PRP4K: variants seen among roughly 807,000 people sequenced by gnomAD.
PRP4K encodes the protein serine/threonine-protein kinase PRP4 homolog.
At chr6:4,043,818 T>C in the PRP4K span, 3 of 1,613,950 alleles carry the variant, frequency 1.9e-6, no homozygotes, top group Admixed American at 3.3e-5. Context: ...TACAGAAATA[T>C]AAATACCTTG....
the PRP4K span, chr6:4,037,616 T>C: frequency 3.2e-6 from 5 of 1,569,892 alleles, no homozygotes; most frequent in Non-Finnish European, 4.3e-6. Flanking sequence ...TGAATGTTTT[T>C]GAACCACCAG....
At chr6:4,056,712 T>G in the PRP4K span, 1 of 1,533,118 alleles carries the variant, frequency 6.5e-7, no homozygotes, top group Non-Finnish European at 8.8e-7. Flanking sequence ...ATTTATGGAT[T>G]GTATGGGACC....
At chr6:4,055,412 AGCTTAAC>A in the PRP4K span, among the ~76,000 whole-genome samples, 1 of 152,220 alleles carries the variant, frequency 6.6e-6, no homozygotes, top group Non-Finnish European at 1.5e-5. Flanking sequence ...TCCTATTAAT[AGCTTAAC>A]TCTGGATATC....
chr6:4,032,479 A>C, the PRP4K span: 4 of 1,614,044 alleles, frequency 2.5e-6, no homozygotes, highest in Admixed American at 5.0e-5. Flanking sequence ...GAAACTGATA[A>C]AGAAAAGAAG....
At chr6:4,047,382 A>T in the PRP4K span, 4 of 783,224 alleles carry the variant, frequency 5.1e-6, no homozygotes, top group Non-Finnish European at 7.9e-6. Flanking sequence ...GAATCTGAAA[A>T]CTCTACTAGT....
At chr6:4,048,662 A>G in the PRP4K span, among the ~76,000 whole-genome samples, 7,818 of 152,016 alleles carry the variant, frequency 0.051, 668 homozygotes, top group African/African-American at 0.18. Flanking sequence ...TGAATTCCTG[A>G]GCTCAAGCGA....
the PRP4K span, chr6:4,047,218 A>G: frequency 6.2e-7 from 1 of 1,612,732 alleles, no homozygotes; most frequent in African/African-American, 1.3e-5. Context: ...TGTTTACAGA[A>G]TCTGATGATA....
At chr6:4,058,279 A>G in the PRP4K span, among the ~76,000 whole-genome samples, 5 of 152,196 alleles carry the variant, frequency 3.3e-5, no homozygotes, top group Admixed American at 3.3e-4. Context: ...TTTTTAGAAT[A>G]AGTTACATAA....
chr6:4,060,797 C>A, the PRP4K span: 1 of 657,666 alleles, frequency 1.5e-6, no homozygotes, highest in Non-Finnish European at 2.6e-6. This position sits in a 1 kb window ranked among gnomAD's most constrained non-coding sequence, Gnocchi z 4.7. Flanking sequence ...TGTTTTGTGT[C>A]TTACGTGAAA....
the PRP4K span, among the ~76,000 whole-genome samples, chr6:4,028,843 C>A: frequency 6.6e-6 from 1 of 152,014 alleles, no homozygotes; most frequent in Admixed American, 6.6e-5. Context: ...CTCTCTCCCC[C>A]ACCCCTTCTC....
chr6:4,046,660 CTT>C, the PRP4K span, among the ~76,000 whole-genome samples: 33 of 141,758 alleles, frequency 2.3e-4, no homozygotes, highest in South Asian at 2.3e-4. Context: ...GGTCTTTCAA[CTT>C]TTTTTTTTTT....
the PRP4K span, among the ~76,000 whole-genome samples, chr6:4,030,884 A>T: frequency 2.0e-5 from 3 of 152,216 alleles, no homozygotes; most frequent in Non-Finnish European, 4.4e-5. Flanking sequence ...CACTTTGAAG[A>T]TTCAACTTGT....
the PRP4K span, among the ~76,000 whole-genome samples, chr6:4,025,471 A>AG: frequency 6.6e-6 from 1 of 152,242 alleles, no homozygotes; most frequent in African/African-American, 2.4e-5. Context: ...TGAGACTGGT[A>AG]AAGATCCATT....
At chr6:4,029,551 C>T in the PRP4K span, among the ~76,000 whole-genome samples, 1 of 152,006 alleles carries the variant, frequency 6.6e-6, no homozygotes, top group Admixed American at 6.6e-5. Flanking sequence ...TGAGGTCTCA[C>T]TCTGTTGCCC....
chr6:4,032,409 T>C, the PRP4K span: 2 of 1,613,822 alleles, frequency 1.2e-6, no homozygotes, highest in African/African-American at 2.7e-5. Context: ...CCCAGTTGAT[T>C]TAAGAGGTAA....
the PRP4K span, among the ~76,000 whole-genome samples, chr6:4,035,504 A>G: frequency 6.6e-6 from 1 of 151,942 alleles, no homozygotes; most frequent in African/African-American, 2.4e-5. Flanking sequence ...CAGATTAAAT[A>G]AAAGAGTTTC....
At chr6:4,037,536 T>C in the PRP4K span, 4 of 1,613,840 alleles carry the variant, frequency 2.5e-6, no homozygotes, top group Non-Finnish European at 3.4e-6. Context: ...ACGTAGCAGG[T>C]CTCCAAGAAG....
At chr6:4,025,371 A>G in the PRP4K span, among the ~76,000 whole-genome samples, 1 of 152,236 alleles carries the variant, frequency 6.6e-6, no homozygotes, top group South Asian at 2.1e-4. Flanking sequence ...TATGTAATAC[A>G]TTATGCCATT....
the PRP4K span, among the ~76,000 whole-genome samples, chr6:4,047,830 TAAG>T: frequency 6.6e-6 from 1 of 151,090 alleles, no homozygotes; most frequent in Admixed American, 6.6e-5. Context: ...GAGGCCTTCA[TAAG>T]AGGAGGTAGA....
Sources: gnomAD v4.1 joint callset for allele counts (sites outside exome capture counted in the v4.1 genomes callset) on GRCh38, gnomAD v4.1.1 for gene constraint, Gnocchi (gnomAD v3.1) non-coding constraint, MANE v1.5 for transcripts, NCBI Gene and HGNC (gene_info 2026-07-23, HGNC 2026-07-21) for gene names.